Variants in IQCM observed in about 807,000 individuals in gnomAD.
IQCM encodes the protein IQ motif containing M.
A neutral mutation model predicts 57.6 loss-of-function variants in IQCM; 45 were observed. The ratio of observed to expected loss-of-function variants is 0.78; its 90% CI spans 0.62 to 1.00. IQCM has a LOEUF of 1.00. Among genes scored for constraint, IQCM ranks in the 50% least tolerant of loss-of-function variants. The pLI is 0.00. For missense variants in IQCM, 468 were observed against 511.6 expected (o/e 0.91, Z 0.82); for synonymous variants, 148 against 158.9 (o/e 0.93, Z 0.51).
chr4:149,572,800 G>A (rs1249824126), intron 9 of IQCM, among the ~76,000 whole-genome samples: 1 of 151,774 alleles, frequency 6.6e-6, no homozygotes, highest in Non-Finnish European at 1.5e-5. Flanking sequence ...TAGAAATAAG[G>A]CACCATTTTT....
At chr4:149,483,611 A>C (rs919484325) in intron 12 of IQCM, among the ~76,000 whole-genome samples, 2 of 151,862 alleles carry the variant, frequency 1.3e-5, no homozygotes, top group African/African-American at 4.8e-5. Flanking sequence ...ATCTAGTTTT[A>C]TTCTATTGTG....
At chr4:149,589,864 G>C (rs1752969289) in intron 8 of IQCM, among the ~76,000 whole-genome samples, 1 of 151,984 alleles carries the variant, frequency 6.6e-6, no homozygotes, top group African/African-American at 2.4e-5. Flanking sequence ...GATGTTCCGT[G>C]ACACATTTTC....
chr4:149,545,618 A>G (rs1218406749), intron 12 of IQCM, among the ~76,000 whole-genome samples: 3 of 152,166 alleles, frequency 2.0e-5, no homozygotes, highest in Non-Finnish European at 2.9e-5. Flanking sequence ...CCATTATGTA[A>G]AATATTATGG....
chr4:149,379,896 AG>A (rs1252498280), intron 13 of IQCM, among the ~76,000 whole-genome samples: 1 of 152,100 alleles, frequency 6.6e-6, no homozygotes, highest in African/African-American at 2.4e-5. Context: ...GAGTTGTGGG[AG>A]GGACCAAGTG....
chr4:149,360,777 T>C (rs755849223), intron 13 of IQCM, among the ~76,000 whole-genome samples: 3 of 152,200 alleles, frequency 2.0e-5, no homozygotes, highest in Admixed American at 6.5e-5. Context: ...TAGTCTTGGA[T>C]ATGTCTTTAT....
intron 13 of IQCM, among the ~76,000 whole-genome samples, chr4:149,385,205 C>G (rs1731338510): frequency 6.6e-6 from 1 of 152,198 alleles, no homozygotes; most frequent in South Asian, 2.1e-4. Flanking sequence ...CTATTAGGCA[C>G]CTACCTATAT....
intron 13 of IQCM, among the ~76,000 whole-genome samples, chr4:149,420,002 G>A (rs1023014951): frequency 6.6e-6 from 1 of 152,132 alleles, no homozygotes; most frequent in Non-Finnish European, 1.5e-5. Context: ...ACAGATGCTG[G>A]TGAGGTTGTA....
intron 12 of IQCM, among the ~76,000 whole-genome samples, chr4:149,453,605 C>T (rs999962758): frequency 2.0e-5 from 3 of 151,758 alleles, no homozygotes; most frequent in Non-Finnish European, 4.4e-5. Context: ...CGAACAATAA[C>T]ACATGAATAG....
intron 9 of IQCM, 37 bp downstream of exon 9, chr4:149,587,893 C>A (rs1046366279): frequency 1.0e-5 from 10 of 959,074 alleles, no homozygotes; most frequent in Non-Finnish European, 1.4e-5. Flanking sequence ...AAAATGAGTG[C>A]ATTAATTTAC....
chr4:149,800,021 C>A (rs765710183), intron 2 of IQCM, among the ~76,000 whole-genome samples: 1 of 151,536 alleles, frequency 6.6e-6, no homozygotes. Context: ...ACCCTGATAC[C>A]AAAACCAGAC....
intron 13 of IQCM, among the ~76,000 whole-genome samples, chr4:149,405,070 T>C (rs1732883895): frequency 6.6e-6 from 1 of 152,034 alleles, no homozygotes; most frequent in East Asian, 1.9e-4. Context: ...GAGAGCTCAT[T>C]CATTTAGGAG....
At chr4:149,558,807 T>C (rs1182134166) in intron 10 of IQCM, among the ~76,000 whole-genome samples, 1 of 152,214 alleles carries the variant, frequency 6.6e-6, no homozygotes, top group Admixed American at 6.5e-5. Flanking sequence ...ATTTAAGAAC[T>C]ACTGATAAAT....
At chr4:149,753,429 A>G (rs535527407) in intron 2 of IQCM, among the ~76,000 whole-genome samples, 19 of 152,298 alleles carry the variant, frequency 1.2e-4, no homozygotes, top group Non-Finnish European at 2.6e-4. Context: ...CGTTCTTTCA[A>G]AAACTGTATA....
intron 2 of IQCM, among the ~76,000 whole-genome samples, chr4:149,780,511 G>A (rs1771502236): frequency 6.7e-6 from 1 of 150,098 alleles, no homozygotes; most frequent in South Asian, 2.1e-4. Flanking sequence ...CCTTAATGAA[G>A]TAACTTTAAA....
At chr4:149,811,320 T>C (rs1774547921) in intron 2 of IQCM, among the ~76,000 whole-genome samples, 1 of 152,182 alleles carries the variant, frequency 6.6e-6, no homozygotes. Context: ...CTCCTTGCTT[T>C]GGATAATAAT....
chr4:149,368,754 ATG>A (rs1560778526), intron 13 of IQCM, among the ~76,000 whole-genome samples: 10 of 103,534 alleles, frequency 9.7e-5, no homozygotes, highest in Non-Finnish European at 1.9e-4. Context: ...ATATATATAC[ATG>A]TATATATATA....
At chr4:149,679,356 G>A (rs142099599) in intron 7 of IQCM, among the ~76,000 whole-genome samples, 1 of 151,558 alleles carries the variant, frequency 6.6e-6, no homozygotes, top group Non-Finnish European at 1.5e-5. Context: ...GTAGATTTGT[G>A]GTTATCAGAG....
intron 5 of IQCM, among the ~76,000 whole-genome samples, chr4:149,703,395 G>C (rs1312653522): frequency 1.3e-5 from 2 of 151,830 alleles, no homozygotes; most frequent in African/African-American, 2.4e-5. Flanking sequence ...TTTAGGAGTA[G>C]ATTGTTTGGA....
intron 2 of IQCM, among the ~76,000 whole-genome samples, chr4:149,789,010 G>T (rs773185694): frequency 1.3e-5 from 2 of 152,178 alleles, no homozygotes; most frequent in Non-Finnish European, 2.9e-5. Context: ...GCAGGTGGTA[G>T]AGGAGATGAA....
Sources: allele counts gnomAD v4.1 joint callset (sites outside exome capture counted in the v4.1 genomes callset), GRCh38; gene constraint gnomAD v4.1.1; transcripts MANE v1.5; gene names NCBI Gene and HGNC (gene_info 2026-07-23, HGNC 2026-07-21).